The following FRMD4A variants were observed in gnomAD, a reference collection of about 807,000 sequenced individuals.
FRMD4A encodes FERM domain containing 4A, also known as FERM domain-containing protein 4A.
In FRMD4A, 29 loss-of-function variants were observed where a neutral mutation model predicts 129.1. The observed-to-expected ratio is 0.22, with a 90% CI of 0.17 to 0.31. FRMD4A has a LOEUF of 0.31. Ranked by LOEUF, FRMD4A falls within the 10% of genes least tolerant of loss-of-function variation. FRMD4A has a pLI of 1.00. For missense variants in FRMD4A, 1,272 were observed against 1,375.8 expected (o/e 0.92, Z 1.19); for synonymous variants, 634 against 571.6 (o/e 1.11, Z -1.56).
In FRMD4A at chr10:14,106,236, T is replaced by A. The variant is rs529043685; in HGVS notation, c.45+223822A>T. On this transcript the variant is annotated intron_variant, in intron 2 of 24. Coordinates refer to ENST00000357447, the MANE Select transcript of FRMD4A (RefSeq NM_018027.5). The stretch of plus-strand genomic sequence containing the variant: ...ATATGTTTCAATTCATCCATTACAG[T>A]TTTATCCTAATTTGGGATCAAATTG... 3.9e-5 allele frequency among the ~76,000 whole-genome samples: 6 copies of A among 152,320 alleles called. No homozygotes were observed. In the East Asian group the frequency reaches 9.6e-4, roughly 24 times the overall value.
chr10:14,140,950 C>A (rs1340054891), intron 2 of FRMD4A, among the ~76,000 whole-genome samples: 1 of 152,024 alleles, frequency 6.6e-6, no homozygotes, highest in Non-Finnish European at 1.5e-5. Flanking sequence ...CAGGGACCGG[C>A]CAGCAATTGT....
At chr10:13,652,355 T>G (rs1181718214) in intron 23 of FRMD4A, 1 of 228,924 alleles carries the variant, frequency 4.4e-6, no homozygotes, top group African/African-American at 2.3e-5. Context: ...GGCTTGTACA[T>G]TTCGGAGCCT....
chr10:14,304,728 G>A (rs1456753287), intron 2 of FRMD4A, among the ~76,000 whole-genome samples: 1 of 152,150 alleles, frequency 6.6e-6, no homozygotes, highest in Non-Finnish European at 1.5e-5. Context: ...GGGCTCTGGG[G>A]CCAGGCAGTG....
At chr10:14,060,442 A>G (rs951917062) in intron 2 of FRMD4A, among the ~76,000 whole-genome samples, 6 of 152,186 alleles carry the variant, frequency 3.9e-5, no homozygotes, top group African/African-American at 1.4e-4. Context: ...GAGGTGAGTA[A>G]TGTACTTAAG....
At chr10:13,963,083 A>T (rs2095456735) in intron 2 of FRMD4A, among the ~76,000 whole-genome samples, 1 of 152,192 alleles carries the variant, frequency 6.6e-6, no homozygotes, top group Non-Finnish European at 1.5e-5. Context: ...AATTTAAGAA[A>T]GTACTGTTGC....
At chr10:14,009,566 G>A (rs574746809) in intron 2 of FRMD4A, among the ~76,000 whole-genome samples, 12 of 152,170 alleles carry the variant, frequency 7.9e-5, no homozygotes, top group Non-Finnish European at 1.0e-4. Context: ...GGTGGGGTGC[G>A]AAGGAAAGAA....
chr10:13,889,864 G>A (rs2094673940), intron 2 of FRMD4A, among the ~76,000 whole-genome samples: 1 of 152,150 alleles, frequency 6.6e-6, no homozygotes, highest in South Asian at 2.1e-4. Flanking sequence ...TCACTGGCTG[G>A]ACAATATAGC....
At chr10:14,264,242 C>G (rs1227806920) in intron 2 of FRMD4A, among the ~76,000 whole-genome samples, 1 of 152,182 alleles carries the variant, frequency 6.6e-6, no homozygotes, top group East Asian at 1.9e-4. Flanking sequence ...TCACAGCCCA[C>G]AAAGCAGAGC....
At chr10:13,921,189 G>A (rs1668403546) in intron 2 of FRMD4A, among the ~76,000 whole-genome samples, 1 of 151,300 alleles carries the variant, frequency 6.6e-6, no homozygotes, top group Non-Finnish European at 1.5e-5. Flanking sequence ...GACCTCTCTG[G>A]GGCTTTTTAG....
chr10:14,055,462 AACAC>A (rs71388155), intron 2 of FRMD4A, among the ~76,000 whole-genome samples: 1,045 of 77,442 alleles, frequency 0.013, 14 homozygotes, highest in African/African-American at 0.041. Flanking sequence ...CACACACACA[AACAC>A]ACACACACAC....
At chr10:14,032,713 C>T (rs1833305298) in intron 2 of FRMD4A, among the ~76,000 whole-genome samples, 1 of 152,282 alleles carries the variant, frequency 6.6e-6, no homozygotes, top group East Asian at 1.9e-4. Flanking sequence ...CCACCATCAC[C>T]CCTCAGACAC....
chr10:14,010,054 C>T (rs2446589), intron 2 of FRMD4A, among the ~76,000 whole-genome samples: 149,367 of 152,174 alleles, frequency 0.98, 73,322 homozygotes, highest in East Asian at 1. Flanking sequence ...GATAGGCACA[C>T]TTTCAGAACA....
chr10:13,783,065 T>C, intron 5 of FRMD4A, 59 bp from the exon 6 acceptor site: 1 of 765,512 alleles, frequency 1.3e-6, no homozygotes, highest in Non-Finnish European at 2.4e-6. Context: ...AATAAAGTGC[T>C]CTCTTGAGCT....
At position 13,660,174 on chromosome 10, in the gene FRMD4A, C is replaced by T. The variant is rs577575962; in HGVS notation, c.1898+142G>A. The stretch of plus-strand genomic sequence containing the variant: ...TCGGCAGCAGAGGGCGCTGTGAGCA[C>T]GGCCCCGTGAAAGGCAAACCCCACG... On this transcript the variant is annotated intron_variant, in intron 20 of 24. Coordinates refer to ENST00000357447, the MANE Select transcript of FRMD4A (RefSeq NM_018027.5). 55 of 616,350 alleles carry T rather than the reference C, an allele frequency of 8.9e-5. No individual in the cohort carries two copies. The South Asian group carries it at 9.7e-4, about 11-fold the overall frequency. The allele number at this position is 616,350 out of a possible 1,614,324, so 38.2% of individuals were successfully genotyped here. A position where few individuals can be genotyped will look rare whatever the true frequency, so the allele number is the denominator to read the frequency against.
intron 14 of FRMD4A, among the ~76,000 whole-genome samples, chr10:13,697,919 A>G (rs2086384022): frequency 6.6e-6 from 1 of 152,190 alleles, no homozygotes; most frequent in South Asian, 2.1e-4. Flanking sequence ...GGGATCTAGC[A>G]GACAACGTTT....
chr10:14,325,541 G>A (rs1282876789), intron 2 of FRMD4A, among the ~76,000 whole-genome samples: 2 of 152,198 alleles, frequency 1.3e-5, no homozygotes, highest in African/African-American at 4.8e-5. Context: ...CTGACAACCA[G>A]CGCCCCCTAG....
chr10:14,277,190 T>G (rs1427687870), intron 2 of FRMD4A, among the ~76,000 whole-genome samples: 1 of 152,180 alleles, frequency 6.6e-6, no homozygotes, highest in African/African-American at 2.4e-5. Context: ...GTTGACCACA[T>G]GAGATTCTCA....
At chr10:13,976,571 G>C (rs2095542836) in intron 2 of FRMD4A, among the ~76,000 whole-genome samples, 1 of 151,854 alleles carries the variant, frequency 6.6e-6, no homozygotes, top group Non-Finnish European at 1.5e-5. Flanking sequence ...AGCAACAAAT[G>C]CCTTTGCCTG....
intron 2 of FRMD4A, among the ~76,000 whole-genome samples, chr10:14,094,948 T>C (rs1190136238): frequency 6.6e-6 from 1 of 152,000 alleles, no homozygotes; most frequent in African/African-American, 2.4e-5. Context: ...TGTATGTGGG[T>C]GTGTGTCAAC....
Sources: gnomAD v4.1 joint callset for allele counts (sites outside exome capture counted in the v4.1 genomes callset) on GRCh38, gnomAD v4.1.1 for gene constraint, MANE v1.5 for transcripts, NCBI Gene and HGNC (gene_info 2026-07-23, HGNC 2026-07-21) for gene names.